GPC5: variants seen among roughly 807,000 people sequenced by gnomAD.
GPC5 encodes glypican-5.
A neutral mutation model predicts 53.9 loss-of-function variants in GPC5; 47 were observed. The observed-to-expected ratio is 0.87, with a 90% confidence interval of 0.69 to 1.11. The LOEUF (loss-of-function observed/expected upper bound fraction) is 1.11. GPC5 is among the 50% of genes most tolerant of loss of function. The probability of loss-of-function intolerance (pLI) is 0.00; values close to 1 mark genes in which losing one functional copy is unlikely to be tolerated. For synonymous variants in GPC5, 286 were observed against 263.3 expected (o/e 1.09, Z -0.84); for missense variants, 748 against 713.1 (o/e 1.05, Z -0.56).
intron 6 of GPC5, among the ~76,000 whole-genome samples, chr13:92,057,012 C>A (rs960379879): frequency 1.1e-4 from 17 of 152,196 alleles, no homozygotes; most frequent in African/African-American, 3.9e-4. Flanking sequence ...ACCATGAATT[C>A]TTTCCCATGC....
At chr13:91,809,427 C>A (rs1246970806) in intron 5 of GPC5, among the ~76,000 whole-genome samples, 2 of 152,100 alleles carry the variant, frequency 1.3e-5, no homozygotes, top group East Asian at 1.9e-4. Context: ...GGATCCTTCA[C>A]ATTTGCTTTG....
At chr13:92,360,544 A>C (rs2043557374) in intron 7 of GPC5, among the ~76,000 whole-genome samples, 1 of 151,222 alleles carries the variant, frequency 6.6e-6, no homozygotes, top group Admixed American at 6.6e-5. Flanking sequence ...AAAAGCTGGA[A>C]GAATTTCCCT....
In GPC5 at chr13:92,411,810, G is replaced by A. The variant is rs180940236; in HGVS notation, c.1561+266821G>A. ...ATGTAAATTATCCGCGTCAAATGTA[G>A]GTATCAAAATAGAGCTTGTATATAT... On this transcript the variant is annotated intron_variant, in intron 7 of 7. Coordinates refer to ENST00000377067, the MANE Select transcript of GPC5 (RefSeq NM_004466.6). Among the ~76,000 whole-genome samples the A allele has an allele frequency of 2.1e-3, 320 of 152,174 alleles. 2 individuals carry two copies. Among genetic ancestry groups the A allele is most frequent in the South Asian group, 4.6e-3 (22 of 4,828 alleles).
chr13:91,743,487 G>C (rs1383095395), intron 4 of GPC5, among the ~76,000 whole-genome samples: 1 of 152,000 alleles, frequency 6.6e-6, no homozygotes, highest in East Asian at 1.9e-4. Context: ...GTTTTTCATG[G>C]TAAAGAACCT....
intron 2 of GPC5, among the ~76,000 whole-genome samples, chr13:91,682,350 A>G (rs547052932): frequency 6.6e-6 from 1 of 152,306 alleles, no homozygotes; most frequent in South Asian, 2.1e-4. Context: ...TATTATTATT[A>G]TTCCTTAATG....
At chr13:91,558,575 G>A (rs1360683331) in intron 2 of GPC5, among the ~76,000 whole-genome samples, 2 of 152,228 alleles carry the variant, frequency 1.3e-5, no homozygotes, top group East Asian at 3.9e-4. Context: ...GCTTGCTCCT[G>A]TAGCACTTGG....
chr13:92,827,145 G>A (rs1159840235), intron 7 of GPC5, among the ~76,000 whole-genome samples: 1 of 152,014 alleles, frequency 6.6e-6, no homozygotes, highest in African/African-American at 2.4e-5. Flanking sequence ...AAATCATGTG[G>A]GGGAGAGAGA....
chr13:92,519,616 C>T (rs1368787870), intron 7 of GPC5, among the ~76,000 whole-genome samples: 1 of 152,116 alleles, frequency 6.6e-6, no homozygotes, highest in East Asian at 1.9e-4. Context: ...ATCTCTGGGG[C>T]ACATTCAAAG....
intron 3 of GPC5, among the ~76,000 whole-genome samples, chr13:91,721,976 A>G (rs1446242693): frequency 2.2e-4 from 34 of 152,192 alleles, no homozygotes. Context: ...ATAAGCTCCT[A>G]GAGAGAAGGT....
At chr13:91,712,649 A>G (rs1258303300) in intron 3 of GPC5, among the ~76,000 whole-genome samples, 1 of 152,162 alleles carries the variant, frequency 6.6e-6, no homozygotes, top group Non-Finnish European at 1.5e-5. Context: ...AATACAGAAA[A>G]GCTTTCCACC....
intron 4 of GPC5, among the ~76,000 whole-genome samples, chr13:91,743,068 C>A (rs1237448339): frequency 1.3e-5 from 2 of 152,046 alleles, no homozygotes; most frequent in Non-Finnish European, 2.9e-5. Flanking sequence ...CTGAAAACAT[C>A]TTTTCCACCA....
At chr13:91,455,810 T>C (rs1881501467) in intron 2 of GPC5, among the ~76,000 whole-genome samples, 1 of 152,140 alleles carries the variant, frequency 6.6e-6, no homozygotes, top group African/African-American at 2.4e-5. Flanking sequence ...ATATGATTTT[T>C]TTCTCAATTT....
intron 2 of GPC5, among the ~76,000 whole-genome samples, chr13:91,555,250 A>G (rs1457711725): frequency 6.6e-6 from 1 of 152,040 alleles, no homozygotes; most frequent in African/African-American, 2.4e-5. Flanking sequence ...GAGGGACACT[A>G]TACGTATGCA....
At chr13:92,512,122 A>G (rs1194821845) in intron 7 of GPC5, among the ~76,000 whole-genome samples, 1 of 152,088 alleles carries the variant, frequency 6.6e-6, no homozygotes, top group Non-Finnish European at 1.5e-5. Context: ...GATATTGATG[A>G]TTTTTGCCAG....
At chr13:91,656,286 A>T (rs534614981) in intron 2 of GPC5, among the ~76,000 whole-genome samples, 13 of 152,278 alleles carry the variant, frequency 8.5e-5, no homozygotes, top group Non-Finnish European at 1.5e-4. Context: ...GAATAGCCAT[A>T]TTGGCATCAT....
chr13:92,433,758 C>T, intron 7 of GPC5, among the ~76,000 whole-genome samples: 1 of 151,980 alleles, frequency 6.6e-6, no homozygotes, highest in South Asian at 2.1e-4. Context: ...AAGCCTGTTG[C>T]CGTGTGTTGA....
At chr13:92,347,012 T>G (rs576627345) in intron 7 of GPC5, among the ~76,000 whole-genome samples, 3 of 151,672 alleles carry the variant, frequency 2.0e-5, no homozygotes, top group African/African-American at 7.3e-5. Context: ...GACAAAAGAA[T>G]GAAAAAATGT....
intron 2 of GPC5, among the ~76,000 whole-genome samples, chr13:91,580,865 A>G (rs2032335449): frequency 6.6e-6 from 1 of 152,232 alleles, no homozygotes; most frequent in African/African-American, 2.4e-5. Flanking sequence ...GTGAAGACAT[A>G]CCTGAGACTG....
chr13:92,527,267 G>A (rs1456175716), intron 7 of GPC5, among the ~76,000 whole-genome samples: 13 of 127,838 alleles, frequency 1.0e-4, no homozygotes, highest in African/African-American at 1.5e-4. Flanking sequence ...AAGAAAGAAA[G>A]AAAGAAAGAA....
Sources: gnomAD v4.1 joint callset for allele counts (sites outside exome capture counted in the v4.1 genomes callset) on GRCh38, gnomAD v4.1.1 for gene constraint, MANE v1.5 for transcripts, NCBI Gene and HGNC (gene_info 2026-07-23, HGNC 2026-07-21) for gene names.